Variants in ADK observed in about 807,000 individuals in gnomAD.
ADK encodes adenosine kinase.
ADK carries 24 observed loss-of-function variants against 44.7 expected under a neutral mutation model. The observed-to-expected ratio is 0.54, with a 90% confidence interval of 0.39 to 0.76. The LOEUF (loss-of-function observed/expected upper bound fraction) is 0.76, where lower values mean the gene tolerates loss of function less well. Among genes scored for constraint, ADK ranks in the 30% least tolerant of loss-of-function variants. The pLI is 0.00. For synonymous variants in ADK, 128 were observed against 142.6 expected (o/e 0.90, Z 0.73); for missense variants, 321 against 425.1 (o/e 0.76, Z 2.15).
chr10:74,540,163 A>T, intron 7 of ADK, among the ~76,000 whole-genome samples: 1 of 152,296 alleles, frequency 6.6e-6, no homozygotes, highest in East Asian at 1.9e-4. Flanking sequence ...ATTAAAAAAA[A>T]TTATTAGAAA....
chr10:74,567,018 T>G (rs756189867), intron 7 of ADK, among the ~76,000 whole-genome samples: 19 of 152,216 alleles, frequency 1.2e-4, no homozygotes, highest in Non-Finnish European at 1.8e-4. Flanking sequence ...TTAGAAAGTG[T>G]TATTAGCCTC....
rs368273227 is a variant in ADK, at chr10:74,682,786, A to G, written c.964+12517A>G. On this transcript the variant is annotated intron_variant, in intron 10 of 10. Transcript: ENST00000539909. ...ACAGGGTTTCATCATATTGGCCAGA[A>G]TGGTCTCTAACTCCTGACCTCAGAT... is the stretch of plus-strand genomic sequence containing the variant. Among the ~76,000 whole-genome samples the G allele has an allele frequency of 2.6e-5, 4 of 151,708 alleles. No homozygotes were observed. In the East Asian group the frequency reaches 7.7e-4, roughly 29 times the overall value.
intron 3 of ADK, among the ~76,000 whole-genome samples, chr10:74,240,204 AG>A (rs11285475): frequency 0.032 from 4,856 of 152,172 alleles, 274 homozygotes; most frequent in African/African-American, 0.11. Context: ...TAGCAGAGAC[AG>A]GGTTTCGCCA....
chr10:74,574,263 G>A (rs1407698024), intron 7 of ADK, among the ~76,000 whole-genome samples: 5 of 148,456 alleles, frequency 3.4e-5, no homozygotes, highest in African/African-American at 1.0e-4. Context: ...ATCCACCTCC[G>A]ACATTGAAGC....
chr10:74,299,972 T>G (rs1160052003), intron 3 of ADK, among the ~76,000 whole-genome samples: 2 of 152,150 alleles, frequency 1.3e-5, no homozygotes, highest in Non-Finnish European at 2.9e-5. Flanking sequence ...CAACTACTGT[T>G]ATTGCATATG....
At chr10:74,479,383 T>C (rs1216994326) in intron 6 of ADK, among the ~76,000 whole-genome samples, 3 of 151,636 alleles carry the variant, frequency 2.0e-5, no homozygotes, top group African/African-American at 4.8e-5. Flanking sequence ...TTAGCCACTT[T>C]GTTTTTTGTT....
intron 9 of ADK, among the ~76,000 whole-genome samples, chr10:74,665,417 C>T (rs1298184885): frequency 6.6e-6 from 1 of 152,054 alleles, no homozygotes; most frequent in East Asian, 1.9e-4. Flanking sequence ...GAGGCAGTGG[C>T]AGGGGTAGTG....
intron 9 of ADK, among the ~76,000 whole-genome samples, chr10:74,632,167 T>C (rs540859771): frequency 7.5e-4 from 114 of 152,334 alleles, no homozygotes; most frequent in African/African-American, 2.7e-3. Context: ...CTCTATGCAT[T>C]TGCCTTTTCT....
chr10:74,571,106 A>G (rs2133856229), intron 7 of ADK, among the ~76,000 whole-genome samples: 1 of 152,288 alleles, frequency 6.6e-6, no homozygotes, highest in Non-Finnish European at 1.5e-5. Flanking sequence ...ATTTGCGTAT[A>G]TTGAACCAGC....
intron 7 of ADK, among the ~76,000 whole-genome samples, chr10:74,547,847 A>G (rs939218313): frequency 5.9e-5 from 9 of 152,076 alleles, no homozygotes; most frequent in Non-Finnish European, 1.2e-4. Flanking sequence ...TGGTAGAGAC[A>G]GGGTTTCTCC....
chr10:74,655,497 C>T (rs895826329), intron 9 of ADK: 1 of 487,034 alleles, frequency 2.1e-6, no homozygotes, highest in Admixed American at 2.4e-5. Flanking sequence ...CTGCCACTGG[C>T]TCACTCAGGG....
intron 7 of ADK, among the ~76,000 whole-genome samples, chr10:74,584,656 A>T (rs1332637317): frequency 1.3e-5 from 2 of 152,176 alleles, no homozygotes; most frequent in Non-Finnish European, 2.9e-5. Context: ...TTATAGTATT[A>T]TTGAGTCAAA....
At chr10:74,669,864 T>G (rs1252814192) in intron 9 of ADK, among the ~76,000 whole-genome samples, 3 of 152,204 alleles carry the variant, frequency 2.0e-5, no homozygotes, top group Admixed American at 6.5e-5. Flanking sequence ...TTCCTTTAGT[T>G]TATGGCTTCT....
intron 6 of ADK, among the ~76,000 whole-genome samples, chr10:74,496,568 A>G (rs989668958): frequency 6.6e-6 from 1 of 152,158 alleles, no homozygotes; most frequent in Non-Finnish European, 1.5e-5. Flanking sequence ...TTTATAAATT[A>G]CCCAGTCTCA....
intron 2 of ADK, among the ~76,000 whole-genome samples, chr10:74,216,677 A>G (rs1006524301): frequency 2.7e-5 from 4 of 150,640 alleles, no homozygotes; most frequent in Admixed American, 1.3e-4. Context: ...GTGAGCCACA[A>G]TCATGCCACT....
At chr10:74,292,158 C>T (rs1481133220) in intron 3 of ADK, among the ~76,000 whole-genome samples, 1 of 152,110 alleles carries the variant, frequency 6.6e-6, no homozygotes, top group African/African-American at 2.4e-5. Context: ...CTTTTGGGAG[C>T]TCAGTATTGT....
intron 6 of ADK, among the ~76,000 whole-genome samples, chr10:74,488,056 C>G (rs538805604): frequency 2.0e-5 from 3 of 151,980 alleles, no homozygotes; most frequent in African/African-American, 7.2e-5. Flanking sequence ...ACTTTCTTGC[C>G]TAAGATACTT....
intron 2 of ADK, among the ~76,000 whole-genome samples, chr10:74,220,257 G>C (rs1481867124): frequency 9.2e-5 from 14 of 152,046 alleles, no homozygotes; most frequent in South Asian, 2.1e-4. Context: ...CGCAAATAAA[G>C]TAGAAAATCT....
intron 9 of ADK, among the ~76,000 whole-genome samples, chr10:74,622,435 A>G (rs1005941998): frequency 6.6e-6 from 1 of 152,232 alleles, no homozygotes; most frequent in Non-Finnish European, 1.5e-5. Flanking sequence ...TTTAAAAAAA[A>G]AAATTAAGCT....
Sources: allele counts gnomAD v4.1 joint callset (sites outside exome capture counted in the v4.1 genomes callset), GRCh38; gene constraint gnomAD v4.1.1; transcripts MANE v1.5; gene names NCBI Gene and HGNC (gene_info 2026-07-23, HGNC 2026-07-21).